Variants in KLHL32 observed in about 807,000 individuals in gnomAD.
KLHL32 encodes the protein kelch like family member 32, also known as kelch-like protein 32.
A neutral mutation model predicts 64.8 loss-of-function variants in KLHL32; 35 were observed. That is an observed-to-expected ratio of 0.54 (90% confidence interval 0.41 to 0.72). The LOEUF (loss-of-function observed/expected upper bound fraction) is 0.72, where lower values mean the gene tolerates loss of function less well. Ranked by LOEUF, KLHL32 falls within the 30% of genes least tolerant of loss-of-function variation. The probability of loss-of-function intolerance (pLI) is 0.00; values close to 1 mark genes in which losing one functional copy is unlikely to be tolerated. For synonymous variants in KLHL32, 259 were observed against 281.0 expected (o/e 0.92, Z 0.78); for missense variants, 589 against 768.5 (o/e 0.77, Z 2.76).
intron 3 of KLHL32, among the ~76,000 whole-genome samples, chr6:97,003,451 T>G (rs1324922636): frequency 6.6e-6 from 1 of 152,236 alleles, no homozygotes; most frequent in Non-Finnish European, 1.5e-5. Context: ...TAGTGCCTGT[T>G]TACTCTGTTG....
intron 1 of KLHL32, among the ~76,000 whole-genome samples, chr6:96,943,100 A>T (rs980821980): frequency 1.3e-5 from 2 of 151,330 alleles, no homozygotes; most frequent in African/African-American, 4.9e-5. Context: ...ATATGCACAT[A>T]CATATACACA....
chr6:97,050,476 G>A (rs1309327611), intron 4 of KLHL32, among the ~76,000 whole-genome samples: 5 of 152,138 alleles, frequency 3.3e-5, no homozygotes, highest in East Asian at 1.9e-4. Flanking sequence ...AGGGCTACCC[G>A]CAGGTAGGGC....
chr6:96,914,407 C>T, the KLHL32 span, among the ~76,000 whole-genome samples: 314 of 152,176 alleles, frequency 2.1e-3, 2 homozygotes, highest in African/African-American at 7.4e-3. Context: ...GGCTCTTCAG[C>T]CTTAACTGTA....
intron 1 of KLHL32, among the ~76,000 whole-genome samples, chr6:96,955,770 C>T (rs902648798): frequency 6.6e-6 from 1 of 152,116 alleles, no homozygotes; most frequent in Non-Finnish European, 1.5e-5. Context: ...AACCCCGTCT[C>T]TACTAAAAAT....
At chr6:97,020,810 T>G (rs946156060) in intron 3 of KLHL32, among the ~76,000 whole-genome samples, 3 of 150,828 alleles carry the variant, frequency 2.0e-5, no homozygotes, top group South Asian at 2.1e-4. Flanking sequence ...TCCCACTTGC[T>G]GGCTGCCCCT....
chr6:97,026,037 A>G (rs1242955395), intron 3 of KLHL32, among the ~76,000 whole-genome samples: 1 of 152,120 alleles, frequency 6.6e-6, no homozygotes, highest in Non-Finnish European at 1.5e-5. Context: ...GAGAAAATGA[A>G]GATCAAGATG....
At chr6:97,105,768 A>G (rs904270923) in intron 6 of KLHL32, among the ~76,000 whole-genome samples, 1 of 152,144 alleles carries the variant, frequency 6.6e-6, no homozygotes, top group Non-Finnish European at 1.5e-5. Context: ...ACCAAGACAA[A>G]AAAAAAATAC....
At position 97,132,761 on chromosome 6, in the gene KLHL32, G is replaced by A. The variant is rs756842370; in HGVS notation, c.1701+14G>A. 1.5e-5 allele frequency: 24 copies of A among 1,578,472 alleles called. No homozygotes were observed. Among genetic ancestry groups the A allele is most frequent in the East Asian group, 2.2e-5 (1 of 44,506 alleles). On this transcript the variant is annotated intron_variant, in intron 10 of 10. Coordinates refer to ENST00000369261, the MANE Select transcript of KLHL32 (RefSeq NM_052904.4). ...GCTTGTATCCAGGTGAGTGGTAGAA[G>A]TTCCTTTTGAAGTTTGTTCAAGTGG...
At chr6:97,079,017 C>T (rs1400858939) in intron 5 of KLHL32, among the ~76,000 whole-genome samples, 1 of 152,206 alleles carries the variant, frequency 6.6e-6, no homozygotes, top group African/African-American at 2.4e-5. Context: ...TTGAGCGTGA[C>T]ATCCCTAAGC....
At chr6:96,973,313 C>T (rs750592132) in intron 2 of KLHL32, among the ~76,000 whole-genome samples, 4 of 152,056 alleles carry the variant, frequency 2.6e-5, no homozygotes, top group Admixed American at 6.6e-5. Flanking sequence ...ATGCAAATAC[C>T]GATTCAGTCT....
At chr6:97,078,876 A>C (rs1338050971) in intron 5 of KLHL32, among the ~76,000 whole-genome samples, 2 of 152,202 alleles carry the variant, frequency 1.3e-5, no homozygotes, top group African/African-American at 4.8e-5. Flanking sequence ...GGCATGATTA[A>C]ACTGCAGTGT....
At chr6:97,097,659 G>A (rs1209005525) in intron 6 of KLHL32, among the ~76,000 whole-genome samples, 2 of 151,576 alleles carry the variant, frequency 1.3e-5, no homozygotes, top group African/African-American at 4.9e-5. Context: ...TTCAAATGGA[G>A]CTCAAAGGCA....
chr6:96,976,402 T>C (rs1775698141), intron 3 of KLHL32, among the ~76,000 whole-genome samples: 1 of 152,106 alleles, frequency 6.6e-6, no homozygotes, highest in Non-Finnish European at 1.5e-5. Flanking sequence ...CCTTGGCATC[T>C]GAGCCAAGGA....
chr6:97,036,911 T>G (rs1246349114), intron 3 of KLHL32, among the ~76,000 whole-genome samples: 5 of 152,232 alleles, frequency 3.3e-5, no homozygotes, highest in Non-Finnish European at 7.3e-5. Context: ...ATCCTCCTGC[T>G]CTTTTCCCCT....
intron 2 of KLHL32, among the ~76,000 whole-genome samples, chr6:96,968,470 T>A (rs902372924): frequency 6.6e-6 from 1 of 152,098 alleles, no homozygotes; most frequent in African/African-American, 2.4e-5. Flanking sequence ...ATCCAACCAA[T>A]ACAGCACATG....
chr6:97,106,387 A>G (rs1420634040), intron 6 of KLHL32, among the ~76,000 whole-genome samples: 30 of 152,144 alleles, frequency 2.0e-4, no homozygotes, highest in Non-Finnish European at 4.4e-5. Context: ...GGAAGGGATT[A>G]TCTGTTCTGT....
chr6:96,987,485 T>C (rs369808175), intron 3 of KLHL32, among the ~76,000 whole-genome samples: 2 of 152,186 alleles, frequency 1.3e-5, no homozygotes, highest in South Asian at 2.1e-4. Flanking sequence ...ATTCCATGCT[T>C]ATGGGTAGGA....
chr6:96,945,189 C>T (rs892077942), intron 1 of KLHL32, among the ~76,000 whole-genome samples: 1 of 152,254 alleles, frequency 6.6e-6, no homozygotes, highest in African/African-American at 2.4e-5. Flanking sequence ...TAAACATCAT[C>T]ATTTAATCCT....
intron 6 of KLHL32, among the ~76,000 whole-genome samples, chr6:97,091,092 C>G (rs542632744): frequency 1.3e-5 from 2 of 152,280 alleles, no homozygotes; most frequent in African/African-American, 4.8e-5. Flanking sequence ...GTGGCATGCA[C>G]CTGTAGTTCC....
Sources: allele counts gnomAD v4.1 joint callset (sites outside exome capture counted in the v4.1 genomes callset), GRCh38; gene constraint gnomAD v4.1.1; transcripts MANE v1.5; gene names NCBI Gene and HGNC (gene_info 2026-07-23, HGNC 2026-07-21).